The following CYP19A1 variants were observed in gnomAD, a reference collection of about 807,000 sequenced individuals.
The protein encoded by CYP19A1 is cytochrome P450 family 19 subfamily A member 1.
In CYP19A1, 32 loss-of-function variants were observed where a neutral mutation model predicts 44.4. The ratio of observed to expected loss-of-function variants is 0.72; its 90% CI spans 0.54 to 0.97. The LOEUF (loss-of-function observed/expected upper bound fraction) is 0.97. CYP19A1 is among the 50% of genes least tolerant of loss of function. The pLI is 0.00. For missense variants in CYP19A1, 598 were observed against 637.8 expected (o/e 0.94, Z 0.67); for synonymous variants, 212 against 215.6 (o/e 0.98, Z 0.14).
rs192692066 is a variant in CYP19A1, at chr15:51,312,028, T to A, written c.-39+26467A>T. On this transcript the variant is annotated intron_variant, in intron 1 of 9. Coordinates refer to ENST00000396402, the MANE Select transcript of CYP19A1 (RefSeq NM_000103.4). ...CAAAAAACTGCTTTTCTGCCAAGAG[T>A]CTTTTCAATCCTTATAATGGTGCAA... Among the ~76,000 whole-genome samples the A allele has an allele frequency of 5.4e-4, 82 of 152,080 alleles. No homozygotes were observed. The East Asian group carries it at 0.014, about 25-fold the overall frequency.
chr15:51,260,482 T>C (rs1207788782), intron 1 of CYP19A1, among the ~76,000 whole-genome samples: 2 of 152,334 alleles, frequency 1.3e-5, no homozygotes, highest in African/African-American at 4.8e-5. Context: ...TGAGACGGAC[T>C]GAGATTACCA....
intron 1 of CYP19A1, among the ~76,000 whole-genome samples, chr15:51,259,160 T>C (rs2034624938): frequency 6.6e-6 from 1 of 152,212 alleles, no homozygotes; most frequent in Non-Finnish European, 1.5e-5. Context: ...ACTGAGAGAA[T>C]TGTGAAGTAC....
intron 8 of CYP19A1, among the ~76,000 whole-genome samples, chr15:51,214,610 A>C (rs1449454748): frequency 2.0e-5 from 3 of 152,260 alleles, no homozygotes; most frequent in African/African-American, 7.2e-5. Flanking sequence ...GGGAGAGTCC[A>C]CAAAAGTCTT....
intron 1 of CYP19A1, among the ~76,000 whole-genome samples, chr15:51,253,739 T>G (rs1269966316): frequency 6.6e-6 from 1 of 152,196 alleles, no homozygotes; most frequent in East Asian, 1.9e-4. Context: ...TAATTATCAT[T>G]AAGCAAATGT....
chr15:51,289,955 C>G (rs1201568801), intron 1 of CYP19A1, among the ~76,000 whole-genome samples: 1 of 152,134 alleles, frequency 6.6e-6, no homozygotes, highest in South Asian at 2.1e-4. Context: ...ATGCCTCTGT[C>G]CCCCACTAAA....
intron 1 of CYP19A1, among the ~76,000 whole-genome samples, chr15:51,244,700 G>T (rs2033970306): frequency 6.6e-6 from 1 of 152,150 alleles, no homozygotes; most frequent in African/African-American, 2.4e-5. Context: ...AATGAGGAAA[G>T]TGGTTGCAAC....
In CYP19A1 at chr15:51,253,317, G is replaced by A. The variant is rs72547492; in HGVS notation, c.-38-10367C>T. ...AGAAATAATAATGGACAGTCCCTGG[G>A]GTAGCTGGAAGGAACAGTTTGGACT... On this transcript the variant is annotated intron_variant, in intron 1 of 9. Transcript: ENST00000396402. 4.4e-3 allele frequency among the ~76,000 whole-genome samples: 671 copies of A among 152,300 alleles called. 4 individuals are homozygous for A. The highest frequency in any genetic ancestry group is 0.015 in the African/African-American group (637 of 41,556).
chr15:51,255,202 T>C (rs1018947544), intron 1 of CYP19A1, among the ~76,000 whole-genome samples: 3 of 152,206 alleles, frequency 2.0e-5, no homozygotes, highest in African/African-American at 7.2e-5. Flanking sequence ...AATCTCCCTC[T>C]TTCCAAATTA....
intron 1 of CYP19A1, among the ~76,000 whole-genome samples, chr15:51,306,001 AC>A (rs2036209045): frequency 6.6e-6 from 1 of 152,254 alleles, no homozygotes; most frequent in East Asian, 1.9e-4. Context: ...GCAAAAAAGC[AC>A]CCTGGCTGGC....
chr15:51,222,209 A>T (rs2032146398), intron 5 of CYP19A1, 140 bp downstream of exon 5: 2 of 1,482,886 alleles, frequency 1.3e-6, no homozygotes, highest in East Asian at 2.4e-5. Flanking sequence ...ACACTAGGGA[A>T]AAAAACGAGG....
chr15:51,303,090 G>A (rs1267055651), intron 1 of CYP19A1, among the ~76,000 whole-genome samples: 1 of 152,202 alleles, frequency 6.6e-6, no homozygotes, highest in African/African-American at 2.4e-5. Context: ...CTGTCACTGG[G>A]GGACAGAATC....
Position 51,211,014 on chromosome 15 carries a change from C to A in CYP19A1, c.1306G>T (p.Gly436Cys), listed in dbSNP as rs1422164250. 1.3e-6 allele frequency: 2 copies of A among 1,592,756 alleles called. No individual in the cohort carries two copies. Among genetic ancestry groups the A allele is most frequent in the Non-Finnish European group, 1.7e-6 (2 of 1,160,600 alleles). ...ATGGCGATGTACTTTCCTGCACAGC[C>A]ACGGGGCCCAAAGCCAAATGGCTGA... ...YFQPFGFGPR[G>C]CAGKYIAMVM... The change falls in exon 10 of 10, where the codon GGC becomes TGC. Residue 436 changes from glycine to cysteine, a missense_variant. Coordinates refer to ENST00000396402, the MANE Select transcript of CYP19A1 (RefSeq NM_000103.4).
intron 1 of CYP19A1, among the ~76,000 whole-genome samples, chr15:51,283,953 G>T (rs556417473): frequency 2.5e-4 from 38 of 152,184 alleles, no homozygotes; most frequent in Non-Finnish European, 1.5e-5. Flanking sequence ...AGGTCCCTAC[G>T]GGAGTTAGAG....
chr15:51,257,879 T>C (rs1265242460), intron 1 of CYP19A1, among the ~76,000 whole-genome samples: 1 of 152,244 alleles, frequency 6.6e-6, no homozygotes, highest in Non-Finnish European at 1.5e-5. Flanking sequence ...GTGTACATAC[T>C]GGTAAATGTA....
At chr15:51,333,697 G>A (rs1252431681) in intron 1 of CYP19A1, among the ~76,000 whole-genome samples, 1 of 152,144 alleles carries the variant, frequency 6.6e-6, no homozygotes, top group East Asian at 1.9e-4. Context: ...GGCAATAAAA[G>A]GTAAGCTTCT....
intron 4 of CYP19A1, among the ~76,000 whole-genome samples, chr15:51,225,022 C>T (rs1012358174): frequency 3.9e-5 from 6 of 152,172 alleles, no homozygotes; most frequent in Admixed American, 3.9e-4. Flanking sequence ...AAAAGTCTCC[C>T]CTGCCCCTCA....
chr15:51,245,579 C>G (rs2034016150), intron 1 of CYP19A1, among the ~76,000 whole-genome samples: 1 of 152,186 alleles, frequency 6.6e-6, no homozygotes, highest in South Asian at 2.1e-4. Context: ...TCAGAGTGAA[C>G]AGGCAACCTA....
At chr15:51,292,477 T>A (rs1415963743) in intron 1 of CYP19A1, among the ~76,000 whole-genome samples, 1 of 152,194 alleles carries the variant, frequency 6.6e-6, no homozygotes, top group Non-Finnish European at 1.5e-5. Flanking sequence ...GATCCCAAAT[T>A]TATGGAAAGC....
intron 4 of CYP19A1, among the ~76,000 whole-genome samples, chr15:51,226,461 T>C (rs2032586541): frequency 6.6e-6 from 1 of 152,232 alleles, no homozygotes; most frequent in African/African-American, 2.4e-5. Flanking sequence ...AGGAAAGTGA[T>C]ACACTGGGGT....
Sources: allele counts gnomAD v4.1 joint callset (sites outside exome capture counted in the v4.1 genomes callset), GRCh38; gene constraint gnomAD v4.1.1; transcripts MANE v1.5; gene names NCBI Gene and HGNC (gene_info 2026-07-23, HGNC 2026-07-21).